Variants in LINGO2 observed in about 807,000 individuals in gnomAD.
LINGO2 encodes the protein leucine rich repeat and Ig domain containing 2.
In LINGO2, 14 loss-of-function variants were observed where a neutral mutation model predicts 30.6. The ratio of observed to expected loss-of-function variants is 0.46; its 90% CI spans 0.30 to 0.72. The LOEUF (loss-of-function observed/expected upper bound fraction) is 0.72, where lower values mean the gene tolerates loss of function less well. LINGO2 is among the 30% of genes least tolerant of loss of function. The pLI, the probability that LINGO2 is intolerant of heterozygous loss-of-function variation, is 0.07. For missense variants in LINGO2, 729 were observed against 751.7 expected (o/e 0.97, Z 0.35); for synonymous variants, 317 against 288.5 (o/e 1.10, Z -1.00).
At chr9:28,172,789 A>T (rs181608115) in intron 4 of LINGO2, among the ~76,000 whole-genome samples, 8 of 152,038 alleles carry the variant, frequency 5.3e-5, no homozygotes, top group Admixed American at 5.2e-4. Context: ...TTTGTCTTTG[A>T]CAGACTCTCT....
At chr9:28,375,089 AACACACACACACAC>A (rs137914726) in intron 2 of LINGO2, among the ~76,000 whole-genome samples, 36 of 141,826 alleles carry the variant, frequency 2.5e-4, no homozygotes, top group South Asian at 6.9e-4. Flanking sequence ...CACACCCCTT[AACACACACACACAC>A]ACACACACAC....
chr9:28,980,158 C>A, the LINGO2 span, among the ~76,000 whole-genome samples: 3 of 152,000 alleles, frequency 2.0e-5, no homozygotes, highest in East Asian at 5.8e-4. Flanking sequence ...CACTGTAGAT[C>A]CAAACCATCA....
At chr9:28,910,494 T>C in the LINGO2 span, among the ~76,000 whole-genome samples, 1 of 152,144 alleles carries the variant, frequency 6.6e-6, no homozygotes, top group East Asian at 1.9e-4. Flanking sequence ...TCATGTCAAA[T>C]TGTAATTCCC....
intron 4 of LINGO2, among the ~76,000 whole-genome samples, chr9:28,058,583 G>A (rs919709668): frequency 6.6e-6 from 1 of 152,138 alleles, no homozygotes; most frequent in South Asian, 2.1e-4. Context: ...ACACCAGTTT[G>A]AAGATAAAGC....
chr9:28,573,095 T>C (rs1014509532), intron 1 of LINGO2, among the ~76,000 whole-genome samples: 1 of 152,178 alleles, frequency 6.6e-6, no homozygotes, highest in Non-Finnish European at 1.5e-5. Context: ...TTTCTATTTC[T>C]AGGAACTAAC....
intron 1 of LINGO2, among the ~76,000 whole-genome samples, chr9:28,639,974 A>G (rs1438437935): frequency 1.3e-5 from 2 of 151,864 alleles, no homozygotes; most frequent in African/African-American, 4.8e-5. Context: ...GTTCCTTTCC[A>G]TGTTTAGTGC....
intron 1 of LINGO2, among the ~76,000 whole-genome samples, chr9:28,590,697 TA>T (rs1824846160): frequency 6.6e-6 from 1 of 152,120 alleles, no homozygotes; most frequent in Admixed American, 6.5e-5. Flanking sequence ...GGAACACTTT[TA>T]CACTGTTGGC....
At chr9:28,086,510 G>T (rs540504175) in intron 4 of LINGO2, among the ~76,000 whole-genome samples, 1 of 152,068 alleles carries the variant, frequency 6.6e-6, no homozygotes, top group African/African-American at 2.4e-5. Flanking sequence ...ATCCATGTGT[G>T]AAAGTTGAAC....
chr9:28,390,343 C>T (rs1340187391), intron 2 of LINGO2, among the ~76,000 whole-genome samples: 1 of 152,158 alleles, frequency 6.6e-6, no homozygotes, highest in Non-Finnish European at 1.5e-5. Flanking sequence ...ACTCTGAAAT[C>T]TTAATTCACA....
intron 4 of LINGO2, among the ~76,000 whole-genome samples, chr9:28,262,160 G>A (rs1822585746): frequency 2.0e-5 from 3 of 151,702 alleles, no homozygotes; most frequent in Non-Finnish European, 4.4e-5. Context: ...CCTTAAAATG[G>A]ATGTTGTAAT....
chr9:29,037,330 T>G, the LINGO2 span, among the ~76,000 whole-genome samples: 5 of 151,894 alleles, frequency 3.3e-5, no homozygotes, highest in Admixed American at 2.6e-4. Context: ...ATTTGAAATT[T>G]TATATGTTAT....
intron 3 of LINGO2, among the ~76,000 whole-genome samples, chr9:28,319,389 T>A (rs1403248047): frequency 6.6e-6 from 1 of 152,152 alleles, no homozygotes; most frequent in Admixed American, 6.5e-5. Flanking sequence ...TTAAGACCAC[T>A]CAGATAATTC....
intron 1 of LINGO2, among the ~76,000 whole-genome samples, chr9:28,596,151 C>A (rs547392491): frequency 1.8e-4 from 27 of 152,188 alleles, no homozygotes; most frequent in African/African-American, 6.5e-4. Context: ...TTTTTTTGAA[C>A]ACTGAAATTT....
chr9:28,739,188 T>C, the LINGO2 span, among the ~76,000 whole-genome samples: 1 of 151,984 alleles, frequency 6.6e-6, no homozygotes, highest in Non-Finnish European at 1.5e-5. Flanking sequence ...AAAAAATATA[T>C]TGGAACAAAT....
chr9:28,831,541 G>T, the LINGO2 span, among the ~76,000 whole-genome samples: 2 of 152,120 alleles, frequency 1.3e-5, no homozygotes, highest in Admixed American at 1.3e-4. Flanking sequence ...AGGTCAGCCA[G>T]AAATGTTCAT....
At chr9:28,234,509 C>G (rs527526908) in intron 4 of LINGO2, among the ~76,000 whole-genome samples, 60 of 152,284 alleles carry the variant, frequency 3.9e-4, no homozygotes, top group African/African-American at 1.3e-3. Context: ...GAGAGGCAGA[C>G]CCACTCTCAA....
At chr9:29,188,355 G>C in the LINGO2 span, among the ~76,000 whole-genome samples, 1 of 151,904 alleles carries the variant, frequency 6.6e-6, no homozygotes, top group African/African-American at 2.4e-5. Context: ...AGATCAACAG[G>C]ATCCCAAGGC....
At chr9:28,672,747 GGAGA>G (rs1829069752), upstream of LINGO2, among the ~76,000 whole-genome samples, 1 of 152,038 alleles carries the variant, frequency 6.6e-6, no homozygotes, top group Non-Finnish European at 1.5e-5. Context: ...GCATTACAAT[GGAGA>G]GAATCCTGAA....
chr9:28,027,783 T>G (rs1287681307), intron 4 of LINGO2, among the ~76,000 whole-genome samples: 1 of 152,208 alleles, frequency 6.6e-6, no homozygotes, highest in Non-Finnish European at 1.5e-5. Context: ...ATTCTAGCCC[T>G]GGCCTTAAGG....
Sources: gnomAD v4.1 joint callset for allele counts (sites outside exome capture counted in the v4.1 genomes callset) on GRCh38, gnomAD v4.1.1 for gene constraint, MANE v1.5 for transcripts, NCBI Gene and HGNC (gene_info 2026-07-23, HGNC 2026-07-21) for gene names.